The following KNG1 variants were observed in gnomAD, a reference collection of about 807,000 sequenced individuals.
KNG1 encodes kininogen 1.
KNG1 carries 23 observed loss-of-function variants against 47.8 expected under a neutral mutation model. That is an observed-to-expected ratio of 0.48 (90% CI 0.35 to 0.68). The LOEUF (loss-of-function observed/expected upper bound fraction) is 0.68. Among genes scored for constraint, KNG1 ranks in the 30% least tolerant of loss-of-function variants. The probability of loss-of-function intolerance (pLI) is 0.01; values close to 1 mark genes in which losing one functional copy is unlikely to be tolerated. For missense variants in KNG1, 762 were observed against 790.2 expected (o/e 0.96, Z 0.43); for synonymous variants, 277 against 277.0 (o/e 1.00, Z 0.00).
intron 6 of KNG1, 86 bp from the exon 7 acceptor site, chr3:186,732,416 T>C: frequency 7.7e-7 from 1 of 1,293,550 alleles, no homozygotes; most frequent in Non-Finnish European, 1.1e-6. Flanking sequence ...CCCTTATACA[T>C]GTGGATGCTG....
Sources: allele counts gnomAD v4.1 joint callset, GRCh38; gene constraint gnomAD v4.1.1; transcripts MANE v1.5; gene names NCBI Gene and HGNC (gene_info 2026-07-23, HGNC 2026-07-21).